GPBP1: variants seen among roughly 807,000 people sequenced by gnomAD.
The protein encoded by GPBP1 is GC-rich promoter binding protein 1.
GPBP1 carries 13 observed loss-of-function variants against 56.5 expected under a neutral mutation model. That is an observed-to-expected ratio of 0.23 (90% CI 0.15 to 0.37). GPBP1 has a LOEUF of 0.37. Among genes scored for constraint, GPBP1 ranks in the 10% least tolerant of loss-of-function variants. The pLI, the probability that GPBP1 is intolerant of heterozygous loss-of-function variation, is 1.00. For synonymous variants in GPBP1, 204 were observed against 188.9 expected, an observed-to-expected ratio of 1.08 and a Z score of -0.66; for missense variants, 477 against 572.3, an observed-to-expected ratio of 0.83 and a Z score of 1.70.
At chr5:57,245,103 G>T (rs1366782368) in intron 6 of GPBP1, among the ~76,000 whole-genome samples, 1 of 152,080 alleles carries the variant, frequency 6.6e-6, no homozygotes, top group African/African-American at 2.4e-5. Flanking sequence ...CTATACTTTG[G>T]TAGTAATACT....
intron 2 of GPBP1, among the ~76,000 whole-genome samples, chr5:57,198,169 C>G (rs1754848296): frequency 6.6e-6 from 1 of 152,128 alleles, no homozygotes; most frequent in South Asian, 2.1e-4. Flanking sequence ...TGCAGTTTTG[C>G]AGTCCTAAAT....
At chr5:57,188,243 CAA>C (rs34967736) in intron 2 of GPBP1, among the ~76,000 whole-genome samples, 4 of 138,806 alleles carry the variant, frequency 2.9e-5, no homozygotes, top group African/African-American at 2.6e-5. Context: ...GAGACTGTCT[CAA>C]AAAAAAAAAA....
At position 57,204,237 on chromosome 5, in the gene GPBP1, A is replaced by C. The variant is rs560939056; in HGVS notation, c.-57-9837A>C. Among the ~76,000 whole-genome samples, 4 of 152,160 alleles carry C rather than the reference A, an allele frequency of 2.6e-5. No homozygotes were observed. The South Asian group carries it at 6.2e-4, about 24-fold the overall frequency. On this transcript the variant is annotated intron_variant, in intron 2 of 11. Coordinates refer to ENST00000506184, the MANE Select transcript of GPBP1 (RefSeq NM_022913.4). ...CAAAAATAGAATAAACATGTTTTAC[A>C]GCTTGTTTTTTTTGTTTTGTCTTGT...
At chr5:57,177,684 A>T (rs1458978831) in intron 2 of GPBP1, among the ~76,000 whole-genome samples, 2 of 105,080 alleles carry the variant, frequency 1.9e-5, no homozygotes, top group African/African-American at 7.9e-5. Flanking sequence ...TTTTTAGTAG[A>T]GACCTGGGTT....
In GPBP1 at chr5:57,262,822, A is replaced by C; in HGVS notation, c.*70A>C. 1 of 1,375,556 alleles carries C rather than the reference A, an allele frequency of 7.3e-7. No homozygotes were observed. The highest frequency in any genetic ancestry group is 1.3e-5 in the South Asian group (1 of 76,376). The allele number at this position is 1,375,556 out of a possible 1,614,324, so 85.2% of individuals were successfully genotyped here. On this transcript the variant is annotated 3_prime_UTR_variant, in exon 12 of 12. Coordinates refer to ENST00000506184, the MANE Select transcript of GPBP1 (RefSeq NM_022913.4). Reference sequence around the variant, plus strand: ...CATACAGTTTGGGGTGAATTGTAAAAATGAAGAACTATAATTTATGTAGTG... The same window carrying C: ...CATACAGTTTGGGGTGAATTGTAAACATGAAGAACTATAATTTATGTAGTG...
intron 2 of GPBP1, among the ~76,000 whole-genome samples, chr5:57,192,113 A>T (rs1012572060): frequency 7.9e-5 from 12 of 152,204 alleles, no homozygotes; most frequent in Admixed American, 4.6e-4. Flanking sequence ...TCTTAGAAGG[A>T]TGCTAAACTT....
intron 3 of GPBP1, among the ~76,000 whole-genome samples, chr5:57,219,404 CCA>C (rs1561348357): frequency 0.015 from 376 of 25,140 alleles, 55 homozygotes; most frequent in African/African-American, 0.084. Flanking sequence ...AAAAAAAAAA[CCA>C]AAAACAAACA....
intron 11 of GPBP1, 100 bp downstream of exon 11, chr5:57,261,382 T>C (rs1741885833): frequency 2.9e-6 from 2 of 688,050 alleles, no homozygotes; most frequent in Admixed American, 4.9e-5. Context: ...TAGGAATTTA[T>C]CACGATAGGT....
At chr5:57,202,105 C>T (rs1755046013) in intron 2 of GPBP1, among the ~76,000 whole-genome samples, 1 of 152,106 alleles carries the variant, frequency 6.6e-6, no homozygotes, top group Non-Finnish European at 1.5e-5. Context: ...GTGATCCTCC[C>T]ACCTCAGCCT....
intron 6 of GPBP1, 69 bp from the exon 7 acceptor site, chr5:57,246,231 T>C: frequency 7.7e-7 from 1 of 1,291,322 alleles, no homozygotes; most frequent in Non-Finnish European, 1.1e-6. Context: ...ATACTGTTCT[T>C]TTGGTGGTTT....
intron 1 of GPBP1, among the ~76,000 whole-genome samples, chr5:57,174,540 C>A (rs1372513118): frequency 1.3e-5 from 2 of 152,180 alleles, no homozygotes; most frequent in Non-Finnish European, 2.9e-5. Flanking sequence ...CTTCCTTCCC[C>A]CGGCCTCTTG....
chr5:57,213,484 TA>T (rs1283575151), intron 2 of GPBP1, among the ~76,000 whole-genome samples: 1 of 151,460 alleles, frequency 6.6e-6, no homozygotes, highest in Non-Finnish European at 1.5e-5. Context: ...TTTTTTTTTT[TA>T]AGATTGATTT....
At chr5:57,188,429 T>C (rs1244742069) in intron 2 of GPBP1, among the ~76,000 whole-genome samples, 1 of 152,124 alleles carries the variant, frequency 6.6e-6, no homozygotes, top group Non-Finnish European at 1.5e-5. Flanking sequence ...CTTCTCTACC[T>C]GTAAAATTTA....
At position 57,257,572 on chromosome 5, in the gene GPBP1, G is replaced by A. The variant is rs571997028; in HGVS notation, c.1161-3608G>A. ...TGGGGATAGAGATCATTATGACTTGGGTACCAGTCAGAGGTTTCTTTCTTT... is the reference window on the plus strand; with the variant it reads ...TGGGGATAGAGATCATTATGACTTGAGTACCAGTCAGAGGTTTCTTTCTTT... On this transcript the variant is annotated intron_variant, in intron 10 of 11. Coordinates refer to ENST00000506184, the MANE Select transcript of GPBP1 (RefSeq NM_022913.4). 1.4e-3 allele frequency among the ~76,000 whole-genome samples: 206 copies of A among 152,114 alleles called. 1 individual carries two copies. Among genetic ancestry groups the A allele is most frequent in the African/African-American group, 4.8e-3 (199 of 41,496 alleles).
At position 57,258,319 on chromosome 5, in the gene GPBP1, G is replaced by A. The variant is rs560628910; in HGVS notation, c.1161-2861G>A. Among the ~76,000 whole-genome samples, 5 of 152,244 alleles carry A rather than the reference G, an allele frequency of 3.3e-5. No individual in the cohort carries two copies. In the South Asian group the frequency reaches 1.0e-3, roughly 32 times the overall value. On this transcript the variant is annotated intron_variant, in intron 10 of 11. Coordinates refer to ENST00000506184, the MANE Select transcript of GPBP1 (RefSeq NM_022913.4). ...TGTCGTTAGGTGATTTTGTCATGGCGTGAAACTCATAGAGTGTACTTACAC... is the reference window on the plus strand; with the variant it reads ...TGTCGTTAGGTGATTTTGTCATGGCATGAAACTCATAGAGTGTACTTACAC...
Position 57,231,271 on chromosome 5 carries a change from G to C in GPBP1, c.361G>C (p.Gly121Arg), listed in dbSNP as rs746256975. Residue 121 changes from glycine to arginine, a missense_variant, in exon 5 of 12, where the codon GGG becomes CGG. Physicochemically the swap from Gly to Arg is moderately radical, Grantham distance 125 (BLOSUM62 -2). This residue lies in a region of GPBP1 where 414 missense variants were observed against 458.2 expected (regional missense o/e 0.90). Transcript: ENST00000506184. ...HENNIPDNETGRKEDKRERKQ... is the reference protein window; with the variant it reads ...HENNIPDNETRRKEDKRERKQ... The stretch of plus-strand genomic sequence containing the variant: ...AAACAACATACCTGACAATGAAACC[G>C]GGAGGAAAGAAGACAAGAGAGAACG... The C allele has an allele frequency of 9.9e-6, 16 of 1,613,820 alleles. 1 individual carries two copies. The South Asian group carries it at 1.2e-4, about 12-fold the overall frequency.
At chr5:57,224,694 C>T (rs1290557538) in intron 3 of GPBP1, among the ~76,000 whole-genome samples, 1 of 152,016 alleles carries the variant, frequency 6.6e-6, no homozygotes, top group African/African-American at 2.4e-5. Flanking sequence ...GGATTATAGG[C>T]GTGAGCCACT....
intron 2 of GPBP1, among the ~76,000 whole-genome samples, chr5:57,197,772 T>C (rs745938599): frequency 3.3e-5 from 5 of 152,200 alleles, no homozygotes; most frequent in Non-Finnish European, 5.9e-5. Flanking sequence ...TTTATCTTGC[T>C]AGTTATTTCT....
At position 57,262,674 on chromosome 5, in the gene GPBP1, C is replaced by A; in HGVS notation, c.1344C>A (p.Asn448Lys). The change falls in exon 12 of 12, where the codon AAC (asparagine) becomes AAA (lysine). Residue 448 changes from asparagine (N) to lysine (K), a missense_variant. Around this residue, in one of 2 missense-constraint regions of GPBP1, gnomAD observed 63 missense variants for 114.0 expected, o/e 0.55. Transcript: ENST00000506184. ...ICDFKFGPWKNSTFKPTTEND... is the reference protein window; with the variant it reads ...ICDFKFGPWKKSTFKPTTEND... ...ACTTCAAGTTTGGACCGTGGAAGAA[C>A]AGCACTTTCAAACCCACAACTGAGA... is the stretch of plus-strand genomic sequence containing the variant. The A allele has an allele frequency of 6.2e-7, 1 of 1,613,532 alleles. No individual in the cohort carries two copies. The highest frequency in any genetic ancestry group is 8.5e-7 in the Non-Finnish European group (1 of 1,179,628).
Sources: gnomAD v4.1 joint callset for allele counts (sites outside exome capture counted in the v4.1 genomes callset) on GRCh38, gnomAD v4.1.1 for gene constraint, gnomAD v4.1.1 regional missense constraint, MANE v1.5 for transcripts, NCBI Gene and HGNC (gene_info 2026-07-23, HGNC 2026-07-21) for gene names.